The following ABCA13 variants were observed in gnomAD, a reference collection of about 807,000 sequenced individuals.
The protein encoded by ABCA13 is ATP-binding cassette sub-family A member 13.
ABCA13 carries 476 observed loss-of-function variants against 478.7 expected under a neutral mutation model. The ratio of observed to expected loss-of-function variants is 0.99; its 90% CI spans 0.92 to 1.07. The LOEUF is 1.07. Ranked by LOEUF, ABCA13 falls within the 50% of genes least tolerant of loss-of-function variation. The pLI is 0.00. For missense variants in ABCA13, 6,060 were observed against 5,910.6 expected, an observed-to-expected ratio of 1.03 and a Z score of -0.83; for synonymous variants, 2,252 against 2,158.9, an observed-to-expected ratio of 1.04 and a Z score of -1.20.
In ABCA13 at chr7:48,535,300, A is replaced by G. The variant is rs369531921; in HGVS notation, c.14354+6955A>G. 9.2e-5 allele frequency among the ~76,000 whole-genome samples: 14 copies of G among 152,302 alleles called. 1 individual carries two copies. In the East Asian group the frequency reaches 1.4e-3, roughly 15 times the overall value. On this transcript the variant is annotated intron_variant, in intron 55 of 61. Coordinates refer to ENST00000435803, the MANE Select transcript of ABCA13 (RefSeq NM_152701.5). ...ACCCTTTTGTGTTTAGCCACCCAGC[A>G]GAGCTACCAGGCTCCAGGATGGTAT...
chr7:48,377,261 G>A (rs1255062736), intron 35 of ABCA13, among the ~76,000 whole-genome samples: 2 of 151,274 alleles, frequency 1.3e-5, no homozygotes, highest in Non-Finnish European at 2.9e-5. Flanking sequence ...AAAGAGGCAC[G>A]CATACCTTTA....
intron 56 of ABCA13, among the ~76,000 whole-genome samples, chr7:48,584,738 G>GT (rs143779797): frequency 0.064 from 9,718 of 151,788 alleles, 468 homozygotes; most frequent in Admixed American, 0.13. Context: ...GCTATTAGAA[G>GT]TTTTTTTTTA....
intron 3 of ABCA13, among the ~76,000 whole-genome samples, chr7:48,199,482 C>G (rs1046585892): frequency 6.6e-6 from 1 of 152,124 alleles, no homozygotes; most frequent in African/African-American, 2.4e-5. Flanking sequence ...GGGCACTAAT[C>G]CTATTCACGA....
intron 55 of ABCA13, among the ~76,000 whole-genome samples, chr7:48,562,536 T>C (rs185606749): frequency 2.9e-3 from 435 of 148,364 alleles, no homozygotes; most frequent in Non-Finnish European, 5.1e-3. Context: ...AAACATAGAT[T>C]GGGTACCATA....
intron 55 of ABCA13, among the ~76,000 whole-genome samples, chr7:48,536,483 A>T (rs62447326): frequency 0.052 from 7,834 of 152,070 alleles, 226 homozygotes; most frequent in South Asian, 0.085. Flanking sequence ...CCCCATCTCT[A>T]CTAAAAATAC....
At chr7:48,212,333 GCAACGCAAGA>G (rs1036063955) in intron 3 of ABCA13, among the ~76,000 whole-genome samples, 8 of 152,174 alleles carry the variant, frequency 5.3e-5, no homozygotes, top group East Asian at 3.9e-4. Context: ...GGAGAGGTAG[GCAACGCAAGA>G]CTGTCCTTTC....
rs1442164350 is a variant in ABCA13 at position 48,543,546 on chromosome 7, C to T, written c.14354+15201C>T. On this transcript the variant is annotated intron_variant, in intron 55 of 61. Transcript: ENST00000435803. ...AGCTGAGGCAGGAGAATCGCTTGAA[C>T]CCAGGAGTCGGAGGTTGCAGTGAGC... Among the ~76,000 whole-genome samples, 11 of 151,686 alleles carry T rather than the reference C, an allele frequency of 7.3e-5. 1 individual carries two copies. In the East Asian group the frequency reaches 1.5e-3, roughly 21 times the overall value.
At chr7:48,504,553 A>T (rs983126973) in intron 48 of ABCA13, among the ~76,000 whole-genome samples, 17 of 152,070 alleles carry the variant, frequency 1.1e-4, no homozygotes, top group Non-Finnish European at 5.9e-5. Flanking sequence ...GTGTGTGTGT[A>T]TATTTAGGTT....
At chr7:48,223,792 A>G (rs1469678284) in intron 5 of ABCA13, among the ~76,000 whole-genome samples, 1 of 151,972 alleles carries the variant, frequency 6.6e-6, no homozygotes, top group Non-Finnish European at 1.5e-5. Context: ...CCACTTCTCT[A>G]CTAAAAATAC....
chr7:48,594,677 A>G (rs369342907), intron 57 of ABCA13, 33 bp from the exon 58 acceptor site: 54 of 1,590,306 alleles, frequency 3.4e-5, no homozygotes, highest in Non-Finnish European at 4.3e-5. Flanking sequence ...GTGTTTTTCA[A>G]ATGCTGATTA....
chr7:48,548,546 A>G (rs73109360), intron 55 of ABCA13, among the ~76,000 whole-genome samples: 21,051 of 148,002 alleles, frequency 0.14, 2,030 homozygotes, highest in African/African-American at 0.23. Context: ...AGCATGTAAC[A>G]CATTTTTTTT....
At chr7:48,427,911 C>A (rs906598749) in intron 42 of ABCA13, 40 bp downstream of exon 42, 4 of 1,322,310 alleles carry the variant, frequency 3.0e-6, no homozygotes, top group Non-Finnish European at 4.2e-6. Flanking sequence ...GCTGGAGGAA[C>A]AATGACACCA....
At chr7:48,231,556 C>CG (rs1243417115) in intron 7 of ABCA13, among the ~76,000 whole-genome samples, 3 of 152,176 alleles carry the variant, frequency 2.0e-5, no homozygotes, top group African/African-American at 7.2e-5. Flanking sequence ...ACTCCTGGGC[C>CG]GGTGTGAGGA....
chr7:48,204,300 C>G (rs979064239), intron 3 of ABCA13, among the ~76,000 whole-genome samples: 1 of 151,846 alleles, frequency 6.6e-6, no homozygotes, highest in South Asian at 2.1e-4. Flanking sequence ...ACCTCCGCCT[C>G]CCGGGTTCAA....
intron 23 of ABCA13, among the ~76,000 whole-genome samples, chr7:48,301,749 A>G (rs1012256281): frequency 2.0e-5 from 3 of 151,884 alleles, no homozygotes; most frequent in Non-Finnish European, 2.9e-5. Context: ...GGATTCACAG[A>G]ATGAAGTGCA....
chr7:48,314,989 G>C (rs1802358065), intron 26 of ABCA13, among the ~76,000 whole-genome samples: 1 of 152,224 alleles, frequency 6.6e-6, no homozygotes, highest in Non-Finnish European at 1.5e-5. Context: ...TTTAAGTGAA[G>C]ATGTTTTTAT....
At chr7:48,446,798 G>A (rs918014820) in intron 42 of ABCA13, among the ~76,000 whole-genome samples, 4 of 152,212 alleles carry the variant, frequency 2.6e-5, no homozygotes, top group African/African-American at 9.7e-5. Flanking sequence ...TGGAAGCAAG[G>A]TGGGAAGGGA....
rs750515199 is a variant in ABCA13 at position 48,594,775 on chromosome 7, G to A, written c.14706G>A (p.Glu4902=). The A allele has an allele frequency of 2.0e-5, 33 of 1,613,836 alleles. No homozygotes were observed. Among genetic ancestry groups the A allele is most frequent in the Non-Finnish European group, 2.7e-5 (32 of 1,179,844 alleles). The change falls in exon 58 of 62, where the codon GAG becomes GAA. Residue 4902 remains glutamate (E), a synonymous_variant. Coordinates refer to ENST00000435803, the MANE Select transcript of ABCA13 (RefSeq NM_152701.5). ...ACCTGTGGCAAACAATAATGAAGGA[G>A]GTTCGGGAAGGCTGTGCTGCGGTGC... ...KRYLWQTIMK[E]VREGCAAVLT...
At chr7:48,260,753 G>T (rs1208646880) in intron 15 of ABCA13, among the ~76,000 whole-genome samples, 1 of 151,814 alleles carries the variant, frequency 6.6e-6, no homozygotes, top group Non-Finnish European at 1.5e-5. Context: ...ATGCTCTATG[G>T]TCTTCATGCT....
Sources: allele counts gnomAD v4.1 joint callset (sites outside exome capture counted in the v4.1 genomes callset), GRCh38; gene constraint gnomAD v4.1.1; transcripts MANE v1.5; gene names NCBI Gene and HGNC (gene_info 2026-07-23, HGNC 2026-07-21).